PTPN13: variants seen among roughly 807,000 people sequenced by gnomAD.
The protein encoded by PTPN13 is protein tyrosine phosphatase non-receptor type 13.
Under a neutral mutation model 284.0 loss-of-function variants are expected in PTPN13, and 191 were observed. The ratio of observed to expected loss-of-function variants is 0.67; its 90% confidence interval spans 0.60 to 0.76. The LOEUF is 0.76. PTPN13 is among the 30% of genes least tolerant of loss of function. The pLI, the probability that PTPN13 is intolerant of heterozygous loss-of-function variation, is 0.00. For missense variants in PTPN13, 2,797 were observed against 2,939.9 expected (o/e 0.95, Z 1.12); for synonymous variants, 986 against 1,022.3 (o/e 0.96, Z 0.68).
At chr4:86,726,186 T>C (rs1332025878) in intron 10 of PTPN13, among the ~76,000 whole-genome samples, 1 of 149,586 alleles carries the variant, frequency 6.7e-6, no homozygotes, top group Non-Finnish European at 1.5e-5. Context: ...ATATCTCTGT[T>C]TTGGTACCAG....
At chr4:86,602,813 C>T (rs1281208231) in intron 1 of PTPN13, among the ~76,000 whole-genome samples, 5 of 151,922 alleles carry the variant, frequency 3.3e-5, no homozygotes, top group African/African-American at 9.7e-5. Flanking sequence ...ACTTCAGCCC[C>T]GCAAAGCACT....
At chr4:86,778,567 A>G (rs1381692637) in intron 35 of PTPN13, among the ~76,000 whole-genome samples, 1 of 152,246 alleles carries the variant, frequency 6.6e-6, no homozygotes, top group Non-Finnish European at 1.5e-5. Context: ...ACAAGAGTCA[A>G]TGGTACTTGT....
chr4:86,655,285 T>C (rs1725633762), intron 2 of PTPN13, among the ~76,000 whole-genome samples: 1 of 152,238 alleles, frequency 6.6e-6, no homozygotes, highest in Non-Finnish European at 1.5e-5. Flanking sequence ...CCTGTCATTA[T>C]GATGTTAGCT....
intron 13 of PTPN13, 129 bp downstream of exon 13, chr4:86,734,585 T>C: frequency 7.9e-7 from 1 of 1,267,010 alleles, no homozygotes; most frequent in Non-Finnish European, 1.1e-6. Flanking sequence ...TAATATTTCT[T>C]TCAACACAGT....
chr4:86,638,876 C>T (rs1227511349), intron 2 of PTPN13, among the ~76,000 whole-genome samples: 1 of 152,088 alleles, frequency 6.6e-6, no homozygotes, highest in Non-Finnish European at 1.5e-5. Context: ...AAGAAACTAC[C>T]ATCAGGGTGA....
In PTPN13 at chr4:86,657,436, C is replaced by G. The variant is rs536351197; in HGVS notation, c.116-14929C>G. On this transcript the variant is annotated intron_variant, in intron 2 of 47. Transcript: ENST00000411767. The stretch of plus-strand genomic sequence containing the variant: ...ACTTGGATAAGATAAGGAAGATTCC[C>G]TAGGTTAGCAGGCAAAGTCACTTGC... Among the ~76,000 whole-genome samples, 313 of 152,314 alleles carry G rather than the reference C, an allele frequency of 2.1e-3. 1 individual carries two copies. The highest frequency in any genetic ancestry group is 7.3e-3 in the African/African-American group (303 of 41,574).
At chr4:86,656,689 G>A (rs893284468) in intron 2 of PTPN13, among the ~76,000 whole-genome samples, 2 of 152,204 alleles carry the variant, frequency 1.3e-5, no homozygotes, top group African/African-American at 4.8e-5. Flanking sequence ...CACTTGAGGA[G>A]GCAGTCTGTC....
At chr4:86,644,399 C>T (rs1444757199) in intron 2 of PTPN13, among the ~76,000 whole-genome samples, 1 of 152,112 alleles carries the variant, frequency 6.6e-6, no homozygotes, top group Non-Finnish European at 1.5e-5. Flanking sequence ...ATCAGCCTCG[C>T]AAAGTGTTAG....
At chr4:86,622,416 A>G (rs1721353558) in intron 1 of PTPN13, among the ~76,000 whole-genome samples, 1 of 152,220 alleles carries the variant, frequency 6.6e-6, no homozygotes, top group Non-Finnish European at 1.5e-5. Flanking sequence ...CTTTTAATGT[A>G]TGTTAACGAA....
At chr4:86,618,591 C>T (rs1720861445) in intron 1 of PTPN13, among the ~76,000 whole-genome samples, 1 of 152,194 alleles carries the variant, frequency 6.6e-6, no homozygotes, top group South Asian at 2.1e-4. Flanking sequence ...TTTGTATCCT[C>T]TTTTATTTCA....
rs544346235 is a variant in PTPN13 at position 86,601,685 on chromosome 4, G to A, written c.-6+6896G>A. The stretch of plus-strand genomic sequence containing the variant: ...TACATCAAACTTTCTAACTTCAAAG[G>A]GATTTTAAGATTGTATTGAGATACT... On this transcript the variant is annotated intron_variant, in intron 1 of 47. Coordinates refer to ENST00000411767, the MANE Select transcript of PTPN13 (RefSeq NM_080683.3). Among the ~76,000 whole-genome samples the A allele has an allele frequency of 7.9e-4, 120 of 152,024 alleles. 1 individual carries two copies. Among genetic ancestry groups the A allele is most frequent in the African/African-American group, 2.7e-3 (110 of 41,478 alleles).
intron 39 of PTPN13, 60 bp downstream of exon 39, chr4:86,785,428 C>A: frequency 2.1e-6 from 3 of 1,452,822 alleles, no homozygotes; most frequent in Non-Finnish European, 2.8e-6. Context: ...CTCTAGGGAG[C>A]ATTTTTTGAG....
At chr4:86,643,126 T>A (rs945175171) in intron 2 of PTPN13, among the ~76,000 whole-genome samples, 1 of 152,212 alleles carries the variant, frequency 6.6e-6, no homozygotes, top group Non-Finnish European at 1.5e-5. Context: ...TTATAAGTAG[T>A]CACTTCTGGT....
chr4:86,746,640 G>GT (rs1158392615), intron 17 of PTPN13, among the ~76,000 whole-genome samples: 22 of 151,086 alleles, frequency 1.5e-4, no homozygotes, highest in African/African-American at 4.9e-4. Flanking sequence ...TTTTTGTTTT[G>GT]TTTTTTCTTT....
intron 6 of PTPN13, 77 bp downstream of exon 6, chr4:86,693,751 G>A: frequency 1.9e-6 from 2 of 1,071,126 alleles, no homozygotes; most frequent in Non-Finnish European, 2.6e-6. Flanking sequence ...TACTTACCTG[G>A]CTTTGAAATC....
At chr4:86,742,900 C>T (rs1369372384) in intron 16 of PTPN13, among the ~76,000 whole-genome samples, 1 of 152,184 alleles carries the variant, frequency 6.6e-6, no homozygotes, top group East Asian at 1.9e-4. Context: ...ACCACACTAA[C>T]CCACATATAT....
At chr4:86,651,113 T>G (rs1251572168) in intron 2 of PTPN13, among the ~76,000 whole-genome samples, 3 of 152,156 alleles carry the variant, frequency 2.0e-5, no homozygotes, top group African/African-American at 7.2e-5. Flanking sequence ...GTCAAGAGTT[T>G]TTATCATGAA....
At position 86,750,494 on chromosome 4, in the gene PTPN13, A is replaced by G. The variant is rs2149205434; in HGVS notation, c.2675A>G (p.Asn892Ser). The G allele has an allele frequency of 1.2e-6, 2 of 1,613,366 alleles. No homozygotes were observed. The highest frequency in any genetic ancestry group is 2.2e-5 in the East Asian group (1 of 44,870). ...DIERASFRSL[N>S]LQAESVRGFN... ...GAGAGAGCTTCGTTTAGGAGCCTGA[A>G]TCTCCAAGCAGAGTCTGTTAGAGGA... The change falls in exon 18 of 48, where the codon AAT (asparagine) becomes AGT (serine). Residue 892 changes from asparagine (N) to serine (S), a missense_variant. Coordinates refer to ENST00000411767, the MANE Select transcript of PTPN13 (RefSeq NM_080683.3).
intron 12 of PTPN13, among the ~76,000 whole-genome samples, chr4:86,733,828 C>T (rs1735210021): frequency 6.6e-6 from 1 of 152,048 alleles, no homozygotes; most frequent in Non-Finnish European, 1.5e-5. Flanking sequence ...TGATAAATGT[C>T]ATTCCTTCTA....
Sources: allele counts gnomAD v4.1 joint callset (sites outside exome capture counted in the v4.1 genomes callset), GRCh38; gene constraint gnomAD v4.1.1; transcripts MANE v1.5; gene names NCBI Gene and HGNC (gene_info 2026-07-23, HGNC 2026-07-21).